The following PIP5K1B variants were observed in gnomAD, a reference collection of about 807,000 sequenced individuals.
PIP5K1B encodes phosphatidylinositol-4-phosphate 5-kinase type 1 beta.
PIP5K1B carries 42 observed loss-of-function variants against 67.0 expected under a neutral mutation model. The observed-to-expected ratio is 0.63, with a 90% CI of 0.49 to 0.81. The LOEUF (loss-of-function observed/expected upper bound fraction) is 0.81, where lower values mean the gene tolerates loss of function less well. Ranked by LOEUF, PIP5K1B falls within the 30% of genes least tolerant of loss-of-function variation. The pLI is 0.00. For synonymous variants in PIP5K1B, 214 were observed against 231.4 expected (o/e 0.92, Z 0.68); for missense variants, 459 against 646.3 (o/e 0.71, Z 3.14).
In PIP5K1B at chr9:68,762,330, G is replaced by A. The variant is rs150070696; in HGVS notation, c.-86+19673G>A. On this transcript the variant is annotated intron_variant, in intron 2 of 15. Coordinates refer to ENST00000265382, the MANE Select transcript of PIP5K1B (RefSeq NM_003558.4). ...CCTGCTGAGCAGGTGGCTGAAAGTC[G>A]TGGAATGTTGTTTTTCTGAATACAG... 1.2e-3 allele frequency among the ~76,000 whole-genome samples: 190 copies of A among 152,162 alleles called. 7 individuals are homozygous for A. In the East Asian group the frequency reaches 0.032, roughly 25 times the overall value.
chr9:68,706,971 C>G (rs1827154462), intron 1 of PIP5K1B, among the ~76,000 whole-genome samples: 1 of 152,146 alleles, frequency 6.6e-6, no homozygotes, highest in Admixed American at 6.5e-5. Context: ...CATTAGGACT[C>G]TAATGTGATG....
chr9:68,871,706 A>T (rs891945687), intron 5 of PIP5K1B, among the ~76,000 whole-genome samples: 2 of 152,154 alleles, frequency 1.3e-5, no homozygotes, highest in African/African-American at 2.4e-5. Context: ...TGTGATAGGG[A>T]TTGTAACGTG....
At chr9:68,775,591 A>G (rs1263644212) in intron 2 of PIP5K1B, among the ~76,000 whole-genome samples, 3 of 152,192 alleles carry the variant, frequency 2.0e-5, no homozygotes, top group Non-Finnish European at 4.4e-5. Flanking sequence ...GTGCGACGGC[A>G]CCAGATTTCA....
At chr9:68,805,131 G>A (rs2131999321) in intron 2 of PIP5K1B, among the ~76,000 whole-genome samples, 1 of 152,322 alleles carries the variant, frequency 6.6e-6, no homozygotes, top group South Asian at 2.1e-4. Context: ...AAACACTGTT[G>A]GTGCAGGCAA....
chr9:68,930,121 C>T (rs1826917973), intron 12 of PIP5K1B, among the ~76,000 whole-genome samples: 1 of 152,204 alleles, frequency 6.6e-6, no homozygotes, highest in Non-Finnish European at 1.5e-5. Context: ...GGAAGCTTTT[C>T]ATCCCTGCTT....
intron 4 of PIP5K1B, among the ~76,000 whole-genome samples, chr9:68,840,973 C>G (rs1219178595): frequency 6.6e-6 from 1 of 152,188 alleles, no homozygotes; most frequent in Non-Finnish European, 1.5e-5. Flanking sequence ...ATGCCTTTGT[C>G]ATTACTGTCA....
At chr9:69,004,899 C>T (rs1587794539) in intron 15 of PIP5K1B, among the ~76,000 whole-genome samples, 1 of 152,188 alleles carries the variant, frequency 6.6e-6, no homozygotes, top group East Asian at 1.9e-4. Flanking sequence ...AGACGCTGTG[C>T]TTTCAGATCC....
intron 2 of PIP5K1B, among the ~76,000 whole-genome samples, chr9:68,804,267 A>G (rs1005685601): frequency 1.1e-4 from 16 of 152,282 alleles, no homozygotes; most frequent in Admixed American, 8.5e-4. Context: ...TTCAGGAAAA[A>G]GAGTATCTGA....
intron 15 of PIP5K1B, among the ~76,000 whole-genome samples, chr9:69,006,482 T>C (rs1292663604): frequency 6.6e-6 from 1 of 152,252 alleles, no homozygotes; most frequent in Non-Finnish European, 1.5e-5. Flanking sequence ...TCTGTGCCAC[T>C]ATTGCTGGTG....
chr9:68,969,103 T>G (rs182669735), intron 14 of PIP5K1B, among the ~76,000 whole-genome samples: 93 of 152,096 alleles, frequency 6.1e-4, no homozygotes, highest in African/African-American at 2.1e-3. Context: ...GCGCGGTGGC[T>G]CATGCCTGTA....
chr9:68,949,486 ACT>A (rs1161136504), intron 14 of PIP5K1B, among the ~76,000 whole-genome samples: 2 of 152,182 alleles, frequency 1.3e-5, no homozygotes, highest in African/African-American at 4.8e-5. Context: ...ACACAGCTGG[ACT>A]CTCTGAAGAA....
chr9:68,894,568 T>G lies in PIP5K1B; in HGVS notation c.701T>G (p.Met234Arg). The G allele has an allele frequency of 1.2e-6, 2 of 1,614,180 alleles. No homozygotes were observed. The highest frequency in any genetic ancestry group is 1.1e-5 in the South Asian group (1 of 91,082). ...AAGGACTTAGATTTCCTGCAAGACA[T>G]GCACGAAGGGTTGTATTTTGATACG... Reference protein sequence around the residue: ...TFKDLDFLQDMHEGLYFDTET... With the variant: ...TFKDLDFLQDRHEGLYFDTET... The change falls in exon 8 of 16, where the codon ATG (methionine) becomes AGG (arginine). Residue 234 changes from methionine to arginine, a missense_variant. Around this residue, in one of 2 missense-constraint regions of PIP5K1B, gnomAD observed 290 missense variants for 474.4 expected, o/e 0.61. Coordinates refer to ENST00000265382, the MANE Select transcript of PIP5K1B (RefSeq NM_003558.4).
chr9:68,860,574 A>T (rs1480377317), intron 4 of PIP5K1B, among the ~76,000 whole-genome samples: 1 of 152,230 alleles, frequency 6.6e-6, no homozygotes, highest in Non-Finnish European at 1.5e-5. Context: ...TCAAACATTC[A>T]TACTTAAAAG....
chr9:68,944,297 T>C (rs1827696215), intron 14 of PIP5K1B, among the ~76,000 whole-genome samples: 1 of 152,268 alleles, frequency 6.6e-6, no homozygotes, highest in Non-Finnish European at 1.5e-5. Context: ...CTAAGAAATA[T>C]AGAGGCAAAT....
chr9:68,752,631 A>G (rs1829692426), intron 2 of PIP5K1B, among the ~76,000 whole-genome samples: 1 of 152,018 alleles, frequency 6.6e-6, no homozygotes, highest in Non-Finnish European at 1.5e-5. Context: ...AGGGGACTGC[A>G]AAGCCCATAT....
At chr9:68,799,676 C>T (rs1832490301) in intron 2 of PIP5K1B, among the ~76,000 whole-genome samples, 1 of 152,148 alleles carries the variant, frequency 6.6e-6, no homozygotes, top group Admixed American at 6.5e-5. Context: ...GTTGGGAAAA[C>T]TGGATATCCA....
intron 2 of PIP5K1B, among the ~76,000 whole-genome samples, chr9:68,792,421 A>C (rs548148057): frequency 6.6e-6 from 1 of 152,238 alleles, no homozygotes; most frequent in African/African-American, 2.4e-5. Context: ...TTCATTCAAC[A>C]AGCATTTATT....
intron 1 of PIP5K1B, among the ~76,000 whole-genome samples, chr9:68,736,185 C>T (rs1219611135): frequency 6.6e-6 from 1 of 152,102 alleles, no homozygotes; most frequent in Non-Finnish European, 1.5e-5. Flanking sequence ...GGCTTTTGAG[C>T]AGAGGAATAG....
intron 2 of PIP5K1B, among the ~76,000 whole-genome samples, chr9:68,749,170 T>C (rs1829488784): frequency 6.6e-6 from 1 of 152,186 alleles, no homozygotes; most frequent in Admixed American, 6.5e-5. Flanking sequence ...TCTGTAGATG[T>C]GGTTGAATTA....
Sources: gnomAD v4.1 joint callset for allele counts (sites outside exome capture counted in the v4.1 genomes callset) on GRCh38, gnomAD v4.1.1 for gene constraint, gnomAD v4.1.1 regional missense constraint, MANE v1.5 for transcripts, NCBI Gene and HGNC (gene_info 2026-07-23, HGNC 2026-07-21) for gene names.